TGM2: variants seen among roughly 807,000 people sequenced by gnomAD.
The protein encoded by TGM2 is transglutaminase 2, also known as protein-glutamine gamma-glutamyltransferase 2.
TGM2 carries 53 observed loss-of-function variants against 75.6 expected under a neutral mutation model. The observed-to-expected ratio is 0.70, with a 90% confidence interval of 0.56 to 0.88. TGM2 has a LOEUF of 0.88. Among genes scored for constraint, TGM2 ranks in the 40% least tolerant of loss-of-function variants. TGM2 has a pLI of 0.00. For missense variants in TGM2, 842 were observed against 928.5 expected, an observed-to-expected ratio of 0.91 and a Z score of 1.21; for synonymous variants, 374 against 381.1, an observed-to-expected ratio of 0.98 and a Z score of 0.22.
At chr20:38,141,916 C>G in intron 7 of TGM2, 148 bp downstream of exon 7, 1 of 913,758 alleles carries the variant, frequency 1.1e-6, no homozygotes, top group Non-Finnish European at 1.7e-6. Context: ...GGTTGACTTT[C>G]CCTCTAGGCC....
Position 38,139,600 on chromosome 20 carries a change from C to T in TGM2, c.1154G>A (p.Ser385Asn), listed in dbSNP as rs2074945675. The T allele has an allele frequency of 1.2e-6, 2 of 1,614,200 alleles. No individual in the cohort carries two copies. Among genetic ancestry groups the T allele is most frequent in the African/African-American group, 2.7e-5 (2 of 75,052 alleles). ...GACAAAGGGCGCATCGTACTTGGTG[C>T]TCAGGTCGCCCTCCTTGATGGCACG... ...PVRAIKEGDL[S>N]TKYDAPFVFA... Residue 385 changes from serine (S) to asparagine (N), a missense_variant, in exon 9 of 13, where the codon AGC becomes AAC. Coordinates refer to ENST00000361475, the MANE Select transcript of TGM2 (RefSeq NM_004613.4).
At chr20:38,138,920 T>C (rs762227528) in intron 9 of TGM2, among the ~76,000 whole-genome samples, 26 of 152,200 alleles carry the variant, frequency 1.7e-4, no homozygotes, top group Admixed American at 4.6e-4. Context: ...TCTATGAAAC[T>C]ATCAGCTCTA....
intron 10 of TGM2, among the ~76,000 whole-genome samples, chr20:38,137,105 C>A (rs575176010): frequency 5.9e-5 from 9 of 152,208 alleles, no homozygotes; most frequent in Non-Finnish European, 8.8e-5. Flanking sequence ...GAGGCCTGGA[C>A]GCTCCCACCT....
At chr20:38,138,037 T>G in intron 10 of TGM2, 76 bp downstream of exon 10, 1 of 1,507,180 alleles carries the variant, frequency 6.6e-7, no homozygotes, top group Non-Finnish European at 8.9e-7. Flanking sequence ...AAATCACACA[T>G]GCTAAGTGGT....
intron 5 of TGM2, among the ~76,000 whole-genome samples, chr20:38,147,357 G>A (rs771313430): frequency 2.0e-5 from 3 of 151,908 alleles, no homozygotes; most frequent in South Asian, 4.2e-4. Context: ...CTGCACCCAC[G>A]GGCCCTGCTC....
intron 1 of TGM2, 54 bp downstream of exon 1, chr20:38,165,135 A>AC (rs2122986572): frequency 6.2e-7 from 1 of 1,611,938 alleles, no homozygotes; most frequent in South Asian, 1.1e-5. Flanking sequence ...CCGGGTCCTG[A>AC]CCCCCAATGC....
chr20:38,137,052 G>A (rs2074908860), intron 10 of TGM2, among the ~76,000 whole-genome samples: 1 of 152,302 alleles, frequency 6.6e-6, no homozygotes, highest in South Asian at 2.1e-4. Context: ...GGGGACACTG[G>A]AGAGGGACAA....
intron 11 of TGM2, 125 bp from the exon 12 acceptor site, chr20:38,131,354 C>T (rs1038977497): frequency 7.6e-7 from 1 of 1,319,254 alleles, no homozygotes; most frequent in Non-Finnish European, 1.0e-6. Flanking sequence ...CGATCACCCC[C>T]CCTCCCCCCA....
intron 9 of TGM2, 114 bp from the exon 10 acceptor site, chr20:38,138,499 G>A (rs1363953554): frequency 2.5e-6 from 4 of 1,584,200 alleles, no homozygotes; most frequent in South Asian, 1.1e-5. Context: ...AGCCATGAAG[G>A]AGCCCCTTCT....
At chr20:38,146,386 C>T (rs1223438336) in intron 6 of TGM2, 6 of 422,584 alleles carry the variant, frequency 1.4e-5, no homozygotes, top group Non-Finnish European at 2.2e-5. Flanking sequence ...AAGTCATTTG[C>T]TCAAGGTCAC....
chr20:38,151,053 A>G lies in TGM2; in HGVS notation c.438T>C (p.Asp146=). The change falls in exon 4 of 13, where the codon GAT becomes GAC. Residue 146 remains aspartate (D), a synonymous_variant. Coordinates refer to ENST00000361475, the MANE Select transcript of TGM2 (RefSeq NM_004613.4). ...ILLFNAWCPA[D]AVYLDSEEER... Reference sequence around the variant, plus strand: ...CCTCTTCCGAGTCCAGGTACACAGCATCCGCTGCAGGCAGGAAGAAAGGGA... The same window carrying G: ...CCTCTTCCGAGTCCAGGTACACAGCGTCCGCTGCAGGCAGGAAGAAAGGGA... 1 of 1,613,312 alleles carries G rather than the reference A, an allele frequency of 6.2e-7. No individual in the cohort carries two copies. The highest frequency in any genetic ancestry group is 8.5e-7 in the Non-Finnish European group (1 of 1,179,228).
At chr20:38,147,344 C>T (rs1013757368) in intron 5 of TGM2, among the ~76,000 whole-genome samples, 2 of 152,142 alleles carry the variant, frequency 1.3e-5, no homozygotes, top group Non-Finnish European at 2.9e-5. Context: ...TCTGCAGCTT[C>T]CTCTGCACCC....
intron 12 of TGM2, 131 bp downstream of exon 12, chr20:38,130,962 G>T: frequency 7.0e-7 from 1 of 1,422,554 alleles, no homozygotes; most frequent in South Asian, 1.2e-5. Flanking sequence ...GTGTCTGGGA[G>T]TGGGCACAGC....
chr20:38,132,331 T>C lies in TGM2; in HGVS notation c.1776+9A>G. On this transcript the variant is annotated intron_variant, in intron 11 of 12. Coordinates refer to ENST00000361475, the MANE Select transcript of TGM2 (RefSeq NM_004613.4). Reference sequence around the variant, plus strand: ...CTGGGACCCTGCCCCTTGCCCAGCCTGCCCTTACCCGGATCTTGATTTCTG... The same window carrying C: ...CTGGGACCCTGCCCCTTGCCCAGCCCGCCCTTACCCGGATCTTGATTTCTG... The C allele has an allele frequency of 6.2e-7, 1 of 1,614,088 alleles. No homozygotes were observed.
intron 9 of TGM2, 145 bp from the exon 10 acceptor site, chr20:38,138,530 GAC>G (rs1358867964): frequency 6.8e-7 from 1 of 1,476,988 alleles, no homozygotes; most frequent in East Asian, 2.3e-5. Flanking sequence ...GGGCCAGAAG[GAC>G]ACAGCATTTC....
rs1268579175 is a variant in TGM2, at chr20:38,150,964, T to G, written c.527A>C (p.Lys176Thr). ...CTGCCCAAAATTCCAAGGTATGTTC[T>G]TGATGAACTTGGCCGAGCCCTGGTA... is the stretch of plus-strand genomic sequence containing the variant. Reference protein sequence around the residue: ...FIYQGSAKFIKNIPWNFGQFE... With the variant: ...FIYQGSAKFITNIPWNFGQFE... Residue 176 changes from lysine to threonine, a missense_variant, in exon 4 of 13, where the codon AAG becomes ACG. Physicochemically the swap from Lys to Thr is moderately conservative, Grantham distance 78. Transcript: ENST00000361475. The G allele has an allele frequency of 3.1e-6, 5 of 1,614,062 alleles. No homozygotes were observed. Among genetic ancestry groups the G allele is most frequent in the Non-Finnish European group, 4.2e-6 (5 of 1,180,002 alleles).
In TGM2 at chr20:38,138,156, A is replaced by G. The variant is rs1465176601; in HGVS notation, c.1572T>C (p.Cys524=). ...VSYNGILGPE[C]GTKYLLNLNL... ...TGAGGTTGAGCAGGTACTTGGTGCC[A>G]CACTCGGGCCCCAAGATCCCATTGT... The change falls in exon 10 of 13, where the codon TGT becomes TGC. Residue 524 remains cysteine (C), a synonymous_variant. Coordinates refer to ENST00000361475, the MANE Select transcript of TGM2 (RefSeq NM_004613.4). 6.2e-7 allele frequency: 1 copy of G among 1,603,350 alleles called. No homozygotes were observed. The highest frequency in any genetic ancestry group is 8.5e-7 in the Non-Finnish European group (1 of 1,175,018).
chr20:38,163,275 G>T (rs1254432770), intron 1 of TGM2, among the ~76,000 whole-genome samples: 1 of 152,094 alleles, frequency 6.6e-6, no homozygotes, highest in Non-Finnish European at 1.5e-5. Flanking sequence ...GGAGCCACTG[G>T]ACAGCATGTG....
At chr20:38,162,622 AT>A (rs2075267569) in intron 1 of TGM2, among the ~76,000 whole-genome samples, 1 of 152,262 alleles carries the variant, frequency 6.6e-6, no homozygotes, top group South Asian at 2.1e-4. Context: ...ATTTTAAAAC[AT>A]TTATTACATG....
Sources: gnomAD v4.1 joint callset for allele counts (sites outside exome capture counted in the v4.1 genomes callset) on GRCh38, gnomAD v4.1.1 for gene constraint, MANE v1.5 for transcripts, NCBI Gene and HGNC (gene_info 2026-07-23, HGNC 2026-07-21) for gene names.